The following CDH19 variants were observed in gnomAD, a reference collection of about 807,000 sequenced individuals.
CDH19 encodes the protein cadherin 19.
In CDH19, 67 loss-of-function variants were observed where a neutral mutation model predicts 64.2. The observed-to-expected ratio is 1.04, with a 90% confidence interval of 0.86 to 1.28. CDH19 has a LOEUF of 1.28. Ranked by LOEUF, CDH19 falls within the 50% of genes most tolerant of loss-of-function variation. The probability of loss-of-function intolerance (pLI) is 0.00; values close to 1 mark genes in which losing one functional copy is unlikely to be tolerated. For synonymous variants in CDH19, 346 were observed against 319.3 expected (o/e 1.08, Z -0.89); for missense variants, 1,030 against 929.0 (o/e 1.11, Z -1.41).
intron 9 of CDH19, among the ~76,000 whole-genome samples, chr18:66,514,014 T>A (rs1251388417): frequency 6.6e-6 from 1 of 151,460 alleles, no homozygotes; most frequent in Non-Finnish European, 1.5e-5. Context: ...AACTTACCTA[T>A]GGGCCAGGAT....
Position 66,505,013 on chromosome 18 carries a change from A to T in CDH19, c.2118T>A (p.Ala706=), listed in dbSNP as rs1452024852. The T allele has an allele frequency of 1.2e-6, 2 of 1,613,672 alleles. No individual in the cohort carries two copies. Among genetic ancestry groups the T allele is most frequent in the Non-Finnish European group, 1.7e-6 (2 of 1,179,756 alleles). The change falls in exon 12 of 12, where the codon GCT becomes GCA. Residue 706 remains alanine (A), a synonymous_variant. Transcript: ENST00000262150. ...AAGGAGGGGCACACGGATCAGTATTAGCTTCTTCGAGCTTTTCCAGAATGA... is the reference window on the plus strand; with the variant it reads ...AAGGAGGGGCACACGGATCAGTATTTGCTTCTTCGAGCTTTTCCAGAATGA... The part of the protein sequence containing the change: ...RKFILEKLEE[A]NTDPCAPPFD...
chr18:66,551,573 A>G (rs1165007529), intron 4 of CDH19, among the ~76,000 whole-genome samples: 2 of 152,028 alleles, frequency 1.3e-5, no homozygotes, highest in Non-Finnish European at 2.9e-5. Flanking sequence ...CTAACATAAT[A>G]TCGGCTTGCT....
chr18:66,596,035 T>G (rs1988878837), intron 1 of CDH19: 2 of 152,102 alleles, frequency 1.3e-5, no homozygotes, highest in African/African-American at 2.4e-5. Flanking sequence ...ATGTGATTCA[T>G]AACATAAGCA....
intron 8 of CDH19, among the ~76,000 whole-genome samples, chr18:66,534,069 C>T (rs566284173): frequency 2.9e-3 from 446 of 151,500 alleles, no homozygotes; most frequent in Non-Finnish European, 5.0e-3. Flanking sequence ...GTTATAAAAG[C>T]TTGTTCCAAC....
At chr18:66,542,461 C>A (rs1986924497) in intron 7 of CDH19, among the ~76,000 whole-genome samples, 2 of 152,078 alleles carry the variant, frequency 1.3e-5, no homozygotes, top group Admixed American at 6.5e-5. Flanking sequence ...TATGCCCAAC[C>A]AGACTATACC....
chr18:66,591,865 G>T (rs559666164), intron 1 of CDH19, among the ~76,000 whole-genome samples: 1 of 151,850 alleles, frequency 6.6e-6, no homozygotes, highest in East Asian at 1.9e-4. Context: ...GTGAGTATCT[G>T]CCTACTGCAT....
chr18:66,532,402 A>C (rs1032341651), intron 8 of CDH19: 7 of 160,298 alleles, frequency 4.4e-5, no homozygotes, highest in African/African-American at 1.7e-4. Flanking sequence ...ATTTGAAAGA[A>C]CAAAACAAAT....
chr18:66,524,405 T>A (rs1986125461), intron 9 of CDH19, among the ~76,000 whole-genome samples: 1 of 151,782 alleles, frequency 6.6e-6, no homozygotes, highest in Admixed American at 6.6e-5. Flanking sequence ...CTATGGTTAA[T>A]AACAACATAT....
intron 8 of CDH19, among the ~76,000 whole-genome samples, chr18:66,531,062 T>G (rs1280346623): frequency 2.0e-5 from 3 of 152,166 alleles, no homozygotes; most frequent in Non-Finnish European, 4.4e-5. Flanking sequence ...CACCCAGTGA[T>G]AGCTGAGTGC....
At chr18:66,538,162 A>AT (rs1399347672) in intron 7 of CDH19, among the ~76,000 whole-genome samples, 3 of 151,864 alleles carry the variant, frequency 2.0e-5, no homozygotes, top group Non-Finnish European at 2.9e-5. Context: ...CTGAACAGCT[A>AT]TTTTTTTCTC....
chr18:66,530,670 A>G (rs1287767535), intron 8 of CDH19, among the ~76,000 whole-genome samples: 3 of 152,092 alleles, frequency 2.0e-5, no homozygotes, highest in African/African-American at 7.2e-5. Context: ...GACATTTCAG[A>G]AAAAAGTATG....
chr18:66,570,781 G>A (rs1183500751), intron 2 of CDH19, among the ~76,000 whole-genome samples: 1 of 151,660 alleles, frequency 6.6e-6, no homozygotes, highest in Non-Finnish European at 1.5e-5. Context: ...AGATTCATGT[G>A]GGGAGTAGAA....
chr18:66,577,431 G>A (rs183166924), intron 1 of CDH19, among the ~76,000 whole-genome samples: 18 of 152,024 alleles, frequency 1.2e-4, no homozygotes, highest in Non-Finnish European at 2.4e-4. Context: ...CTACATTTAT[G>A]TGATCAATTG....
intron 1 of CDH19, among the ~76,000 whole-genome samples, chr18:66,583,357 T>C (rs1249430146): frequency 6.6e-6 from 1 of 152,058 alleles, no homozygotes; most frequent in Non-Finnish European, 1.5e-5. Flanking sequence ...TTTTATTTTG[T>C]GTTTGGAGGT....
chr18:66,534,941 C>A, intron 8 of CDH19, 45 bp downstream of exon 8: 1 of 1,347,144 alleles, frequency 7.4e-7, no homozygotes, highest in Middle Eastern at 2.0e-4. Context: ...TAATTATTTA[C>A]AAAATATGGC....
intron 5 of CDH19, among the ~76,000 whole-genome samples, chr18:66,547,974 T>C (rs1987191820): frequency 6.7e-6 from 1 of 148,222 alleles, no homozygotes; most frequent in Non-Finnish European, 1.5e-5. Flanking sequence ...GCCTAGGTTT[T>C]AAATGTGTAA....
chr18:66,598,626 T>C (rs1315259223), intron 1 of CDH19, among the ~76,000 whole-genome samples: 1 of 152,028 alleles, frequency 6.6e-6, no homozygotes, highest in Non-Finnish European at 1.5e-5. Context: ...AGTGGAAAAC[T>C]TAACATTGAG....
At chr18:66,602,784 C>A (rs1989069543) in intron 1 of CDH19, among the ~76,000 whole-genome samples, 1 of 151,676 alleles carries the variant, frequency 6.6e-6, no homozygotes, top group African/African-American at 2.4e-5. Context: ...TGAATAATTG[C>A]AGACAATAAT....
chr18:66,598,223 A>G (rs1409216688), intron 1 of CDH19, among the ~76,000 whole-genome samples: 1 of 152,162 alleles, frequency 6.6e-6, no homozygotes, highest in East Asian at 1.9e-4. Context: ...TTCAGCCACT[A>G]TGAAAAGCAG....
Sources: gnomAD v4.1 joint callset for allele counts (sites outside exome capture counted in the v4.1 genomes callset) on GRCh38, gnomAD v4.1.1 for gene constraint, MANE v1.5 for transcripts, NCBI Gene and HGNC (gene_info 2026-07-23, HGNC 2026-07-21) for gene names.